Variants in TESK2 observed in about 807,000 individuals in gnomAD.
The protein encoded by TESK2 is dual specificity testis-specific protein kinase 2.
TESK2 carries 39 observed loss-of-function variants against 57.1 expected under a neutral mutation model. That is an observed-to-expected ratio of 0.68 (90% CI 0.53 to 0.89). The LOEUF (loss-of-function observed/expected upper bound fraction) is 0.89. Ranked by LOEUF, TESK2 falls within the 40% of genes least tolerant of loss-of-function variation. TESK2 has a pLI of 0.00. For missense variants in TESK2, 646 were observed against 732.1 expected (o/e 0.88, Z 1.36); for synonymous variants, 249 against 267.9 (o/e 0.93, Z 0.69).
intron 4 of TESK2, among the ~76,000 whole-genome samples, chr1:45,368,415 C>T (rs1648035470): frequency 6.6e-6 from 1 of 152,054 alleles, no homozygotes; most frequent in Non-Finnish European, 1.5e-5. Context: ...CGCTCCATTG[C>T]CCAGGCTGGG....
At chr1:45,392,104 T>C (rs1357129510) in intron 3 of TESK2, among the ~76,000 whole-genome samples, 1 of 151,558 alleles carries the variant, frequency 6.6e-6, no homozygotes, top group Non-Finnish European at 1.5e-5. Flanking sequence ...GATTGACTGA[T>C]TGAGACTGTC....
chr1:45,363,895 A>G (rs1162498188), intron 4 of TESK2, among the ~76,000 whole-genome samples: 1 of 152,186 alleles, frequency 6.6e-6, no homozygotes, highest in African/African-American at 2.4e-5. Context: ...ACACATCTAT[A>G]AAATGGGAAT....
intron 3 of TESK2, among the ~76,000 whole-genome samples, chr1:45,386,934 G>T (rs974046919): frequency 6.6e-6 from 1 of 152,098 alleles, no homozygotes; most frequent in Admixed American, 6.6e-5. Flanking sequence ...TTACAGGCGT[G>T]AGCCACCGCA....
chr1:45,361,532 C>A (rs987535251), intron 4 of TESK2, among the ~76,000 whole-genome samples: 5 of 152,212 alleles, frequency 3.3e-5, no homozygotes, highest in Admixed American at 1.3e-4. Context: ...CTCACTTCCT[C>A]ACGGTCTAAT....
At chr1:45,368,355 GTT>G (rs1469689953) in intron 4 of TESK2, among the ~76,000 whole-genome samples, 1 of 148,362 alleles carries the variant, frequency 6.7e-6, no homozygotes, top group Non-Finnish European at 1.5e-5. Context: ...TTTTGTGTGT[GTT>G]TTTTGTTTTT....
chr1:45,394,585 G>T (rs1052919977), intron 3 of TESK2, among the ~76,000 whole-genome samples: 1 of 149,954 alleles, frequency 6.7e-6, no homozygotes, highest in African/African-American at 2.5e-5. Flanking sequence ...TGCTGATGTC[G>T]CTTGGTCTAC....
intron 1 of TESK2, among the ~76,000 whole-genome samples, chr1:45,484,308 C>T (rs924035311): frequency 1.5e-4 from 23 of 151,758 alleles, no homozygotes; most frequent in Non-Finnish European, 3.4e-4. Flanking sequence ...GGGGTTTCAC[C>T]ATGTTGGCCA....
intron 2 of TESK2, among the ~76,000 whole-genome samples, chr1:45,433,650 T>TTA (rs1305450548): frequency 1.3e-5 from 2 of 152,212 alleles, no homozygotes; most frequent in Non-Finnish European, 2.9e-5. Flanking sequence ...GATCCATTTT[T>TTA]TATATATACC....
intron 4 of TESK2, among the ~76,000 whole-genome samples, chr1:45,371,878 A>G (rs1035050187): frequency 7.2e-5 from 11 of 152,084 alleles, no homozygotes; most frequent in Non-Finnish European, 1.6e-4. Context: ...AAGTAAAAAG[A>G]AAATAGAATG....
At chr1:45,439,024 T>C (rs1380229398) in intron 2 of TESK2, among the ~76,000 whole-genome samples, 1 of 152,186 alleles carries the variant, frequency 6.6e-6, no homozygotes, top group Non-Finnish European at 1.5e-5. Flanking sequence ...GAGGCCACCG[T>C]AGAAGCACCA....
intron 4 of TESK2, among the ~76,000 whole-genome samples, chr1:45,385,644 G>A (rs923642771): frequency 2.0e-5 from 3 of 150,880 alleles, no homozygotes; most frequent in Middle Eastern, 3.4e-3. Flanking sequence ...GGAATAGAAG[G>A]ACATTAAGAA....
intron 4 of TESK2, among the ~76,000 whole-genome samples, chr1:45,383,486 CA>C (rs1648742954): frequency 6.6e-6 from 1 of 152,134 alleles, no homozygotes; most frequent in African/African-American, 2.4e-5. Context: ...CCATAAAGTA[CA>C]CATTGTATGT....
chr1:45,415,700 T>C (rs1650213031), intron 3 of TESK2, among the ~76,000 whole-genome samples: 1 of 152,236 alleles, frequency 6.6e-6, no homozygotes, highest in Non-Finnish European at 1.5e-5. Flanking sequence ...ATTTAATTAA[T>C]CTTCAATAAC....
Position 45,372,069 on chromosome 1 carries a change from C to T in TESK2, c.393+13843G>A, listed in dbSNP as rs1283090227. Among the ~76,000 whole-genome samples, 13 of 151,420 alleles carry T rather than the reference C, an allele frequency of 8.6e-5. No individual in the cohort carries two copies. The South Asian group carries it at 2.1e-3, about 24-fold the overall frequency. ...TTTGAGACCAGCCTGGGCAACTTAG[C>T]GAGACCTCATATTTACAAAAAATAA... On this transcript the variant is annotated intron_variant, in intron 4 of 10. Coordinates refer to ENST00000372086, the MANE Select transcript of TESK2 (RefSeq NM_007170.3).
chr1:45,459,177 G>C lies in TESK2; in HGVS notation c.-86-1306C>G, dbSNP rs117290772. Reference sequence around the variant, plus strand: ...TGTGCAATTGGAATTAAATAGTCCAGTCTCAATATGGCGGCTTTCTAAAAT... The same window carrying C: ...TGTGCAATTGGAATTAAATAGTCCACTCTCAATATGGCGGCTTTCTAAAAT... On this transcript the variant is annotated intron_variant, in intron 1 of 10. Coordinates refer to ENST00000372086, the MANE Select transcript of TESK2 (RefSeq NM_007170.3). 1.0e-3 allele frequency among the ~76,000 whole-genome samples: 152 copies of C among 152,326 alleles called. 4 individuals carry two copies. The East Asian group carries it at 0.026, about 26-fold the overall frequency.
intron 5 of TESK2, among the ~76,000 whole-genome samples, chr1:45,348,354 A>G (rs1647177751): frequency 6.6e-6 from 1 of 152,246 alleles, no homozygotes; most frequent in Admixed American, 6.5e-5. Flanking sequence ...ACAACAGACT[A>G]TCAGGCCCCT....
At chr1:45,426,155 A>C (rs1650681089) in intron 2 of TESK2, among the ~76,000 whole-genome samples, 1 of 152,152 alleles carries the variant, frequency 6.6e-6, no homozygotes. Context: ...TTGTCTCAAA[A>C]GAAAAAAAGA....
At chr1:45,462,005 C>T (rs796428632) in intron 1 of TESK2, among the ~76,000 whole-genome samples, 5 of 152,224 alleles carry the variant, frequency 3.3e-5, no homozygotes, top group African/African-American at 1.2e-4. Flanking sequence ...TTCTGTTGTG[C>T]TATCAAATAC....
chr1:45,383,700 C>T (rs1648751135), intron 4 of TESK2, among the ~76,000 whole-genome samples: 2 of 152,156 alleles, frequency 1.3e-5, no homozygotes, highest in Admixed American at 1.3e-4. Context: ...TTTCAGAGAA[C>T]AATCACACAT....
Sources: gnomAD v4.1 joint callset for allele counts (sites outside exome capture counted in the v4.1 genomes callset) on GRCh38, gnomAD v4.1.1 for gene constraint, MANE v1.5 for transcripts, NCBI Gene and HGNC (gene_info 2026-07-23, HGNC 2026-07-21) for gene names.